Variants in TTC39C observed in about 807,000 individuals in gnomAD.
TTC39C encodes tetratricopeptide repeat protein 39C.
TTC39C carries 33 observed loss-of-function variants against 76.3 expected under a neutral mutation model. The ratio of observed to expected loss-of-function variants is 0.43; its 90% CI spans 0.33 to 0.58. The LOEUF is 0.58. Ranked by LOEUF, TTC39C falls within the 20% of genes least tolerant of loss-of-function variation. TTC39C has a pLI of 0.04. For synonymous variants in TTC39C, 254 were observed against 260.6 expected (o/e 0.97, Z 0.24); for missense variants, 595 against 701.4 (o/e 0.85, Z 1.71).
chr18:24,104,195 G>C (rs1568438914), intron 6 of TTC39C, among the ~76,000 whole-genome samples: 1 of 152,194 alleles, frequency 6.6e-6, no homozygotes, highest in Non-Finnish European at 1.5e-5. Context: ...GCCTCCCAAA[G>C]TGCTGGGTTT....
intron 6 of TTC39C, among the ~76,000 whole-genome samples, chr18:24,111,149 C>T (rs2084803806): frequency 6.6e-6 from 1 of 152,124 alleles, no homozygotes; most frequent in Non-Finnish European, 1.5e-5. Context: ...TGCCACCACG[C>T]CCAGCTAATT....
At chr18:24,057,033 A>G (rs1245864439) in intron 1 of TTC39C, among the ~76,000 whole-genome samples, 1 of 152,126 alleles carries the variant, frequency 6.6e-6, no homozygotes, top group African/African-American at 2.4e-5. Flanking sequence ...TGAAAAGTAC[A>G]TAGAATCATT....
chr18:24,110,709 A>G (rs968350288), intron 6 of TTC39C, among the ~76,000 whole-genome samples: 1 of 152,274 alleles, frequency 6.6e-6, no homozygotes, highest in African/African-American at 2.4e-5. Flanking sequence ...TCCATCTTTC[A>G]TAACAATGCC....
At chr18:24,103,999 T>C (rs2084713047) in intron 6 of TTC39C, among the ~76,000 whole-genome samples, 1 of 151,756 alleles carries the variant, frequency 6.6e-6, no homozygotes, top group Admixed American at 6.6e-5. Flanking sequence ...TGGTGCCATC[T>C]CGGCTCATTG....
chr18:24,070,385 A>G (rs1277929622), intron 4 of TTC39C, among the ~76,000 whole-genome samples: 1 of 152,214 alleles, frequency 6.6e-6, no homozygotes, highest in Admixed American at 6.5e-5. Flanking sequence ...TGAATTTTTT[A>G]TAATGCAGTA....
chr18:24,068,372 A>G (rs950973566), intron 3 of TTC39C, among the ~76,000 whole-genome samples: 3 of 152,206 alleles, frequency 2.0e-5, no homozygotes, highest in Non-Finnish European at 4.4e-5. Flanking sequence ...AGGGAAACAC[A>G]TCATTCTGGC....
At chr18:24,107,004 T>C (rs977360278) in intron 6 of TTC39C, among the ~76,000 whole-genome samples, 2 of 152,076 alleles carry the variant, frequency 1.3e-5, no homozygotes, top group Admixed American at 1.3e-4. Flanking sequence ...TACCTGGCAA[T>C]ATAGTCTGGG....
chr18:24,028,943 G>A (rs1412536838), intron 1 of TTC39C, among the ~76,000 whole-genome samples: 3 of 152,008 alleles, frequency 2.0e-5, no homozygotes, highest in Non-Finnish European at 4.4e-5. Context: ...GGCTAGTCTC[G>A]AACTCCTGAC....
intron 11 of TTC39C, 22 bp downstream of exon 11, chr18:24,129,005 G>C: frequency 6.3e-7 from 1 of 1,595,210 alleles, no homozygotes; most frequent in Non-Finnish European, 8.6e-7. Context: ...ATGTTGTCAG[G>C]GCTAAAGAAA....
At chr18:24,006,015 A>AT (rs11364340) in intron 1 of TTC39C, among the ~76,000 whole-genome samples, 12 of 142,604 alleles carry the variant, frequency 8.4e-5, no homozygotes, top group East Asian at 4.2e-4. Flanking sequence ...CCTACAGAAT[A>AT]TTTTTTTTTT....
Position 24,080,654 on chromosome 18 carries a change from A to T in TTC39C, c.530A>T (p.Asn177Ile), listed in dbSNP as rs557906382. 6.2e-7 allele frequency: 1 copy of T among 1,614,176 alleles called. No homozygotes were observed. Residue 177 changes from asparagine to isoleucine, a missense_variant, in exon 5 of 14, where the codon AAT (asparagine) becomes ATT (isoleucine). Asn to Ile is a moderately radical substitution (Grantham distance 149). Coordinates refer to ENST00000317571, the MANE Select transcript of TTC39C (RefSeq NM_001135993.2). ...KIYNKCYLDI[N>I]ALQELYQKKL... ...TACAATAAATGCTATCTGGACATCA[A>T]TGCCCTTCAGGAGCTGTATCAGAAG...
chr18:24,004,984 T>C (rs2083341251), intron 1 of TTC39C, among the ~76,000 whole-genome samples: 1 of 152,214 alleles, frequency 6.6e-6, no homozygotes, highest in Non-Finnish European at 1.5e-5. Context: ...TATGAGATAA[T>C]GTATTTTCAT....
chr18:24,000,908 C>A (rs376039772), intron 1 of TTC39C, among the ~76,000 whole-genome samples: 7 of 152,180 alleles, frequency 4.6e-5, no homozygotes, highest in African/African-American at 1.7e-4. Context: ...TTATTAATAA[C>A]GAAACCAAAG....
At position 24,014,984 on chromosome 18, in the gene TTC39C, A is replaced by G. The variant is rs1357314342; in HGVS notation, c.113A>G (p.Asn38Ser). ...GCGGAGCTGGCCCTGGCCGGCATCA[A>G]CATGCTGCTCAACAACGGCTTCAGG... ...QDAELALAGI[N>S]MLLNNGFRES... Residue 38 changes from asparagine to serine, a missense_variant, in exon 1 of 14, where the codon AAC becomes AGC. Asn to Ser is a conservative substitution (Grantham distance 46). Coordinates refer to ENST00000317571, the MANE Select transcript of TTC39C (RefSeq NM_001135993.2). 6 of 1,528,864 alleles carry G rather than the reference A, an allele frequency of 3.9e-6. No homozygotes were observed. The highest frequency in any genetic ancestry group is 2.1e-5 in the Admixed American group (1 of 47,968). The allele number at this position is 1,528,864 out of a possible 1,614,324, so 94.7% of individuals were successfully genotyped here.
chr18:23,996,727 C>T (rs1284719810), intron 1 of TTC39C, among the ~76,000 whole-genome samples: 1 of 152,166 alleles, frequency 6.6e-6, no homozygotes, highest in Non-Finnish European at 1.5e-5. Flanking sequence ...AGCAGATTTC[C>T]ACACACTCAA....
intron 7 of TTC39C, 74 bp from the exon 8 acceptor site, chr18:24,118,051 G>T: frequency 1.7e-6 from 2 of 1,159,182 alleles, no homozygotes; most frequent in Non-Finnish European, 2.4e-6. Flanking sequence ...CGCCATATCA[G>T]AGGCTCGTGG....
rs781697233 is a variant in TTC39C, at chr18:24,125,498, G to A, written c.1368G>A (p.Leu456=). 2 of 1,614,196 alleles carry A rather than the reference G, an allele frequency of 1.2e-6. No individual in the cohort carries two copies. The highest frequency in any genetic ancestry group is 1.7e-5 in the Admixed American group (1 of 60,026). Residue 456 remains leucine (L), a synonymous_variant, in exon 10 of 14, where the codon TTG becomes TTA. Transcript: ENST00000317571. ...TGGCGTCTATTGAAGTGTTGTACTT[G>A]TGGAAAGCTCTTCCAAACTGTTCCT... ...CVLASIEVLY[L]WKALPNCSFP...
chr18:24,045,114 C>T (rs1294890594), intron 1 of TTC39C, among the ~76,000 whole-genome samples: 1 of 151,992 alleles, frequency 6.6e-6, no homozygotes, highest in African/African-American at 2.4e-5. Flanking sequence ...ACTAAAAATA[C>T]AAAAATTAGC....
At chr18:24,064,686 G>A (rs2084144020) in intron 2 of TTC39C, among the ~76,000 whole-genome samples, 1 of 152,108 alleles carries the variant, frequency 6.6e-6, no homozygotes, top group South Asian at 2.1e-4. Flanking sequence ...CGATTTTTCG[G>A]AAATAGTAAT....
Sources: allele counts gnomAD v4.1 joint callset (sites outside exome capture counted in the v4.1 genomes callset), GRCh38; gene constraint gnomAD v4.1.1; transcripts MANE v1.5; gene names NCBI Gene and HGNC (gene_info 2026-07-23, HGNC 2026-07-21).